Variants in DLGAP2 observed in about 807,000 individuals in gnomAD.
The protein encoded by DLGAP2 is disks large-associated protein 2.
In DLGAP2, 26 loss-of-function variants were observed where a neutral mutation model predicts 100.3. That is an observed-to-expected ratio of 0.26 (90% confidence interval 0.19 to 0.36). The LOEUF is 0.36. Among genes scored for constraint, DLGAP2 ranks in the 10% least tolerant of loss-of-function variants. The pLI is 1.00. For synonymous variants in DLGAP2, 886 were observed against 630.1 expected, an observed-to-expected ratio of 1.41 and a Z score of -6.08; for missense variants, 1,858 against 1,453.2, an observed-to-expected ratio of 1.28 and a Z score of -4.53.
chr8:1,553,079 G>C (rs926846179), intron 5 of DLGAP2, among the ~76,000 whole-genome samples: 1 of 152,116 alleles, frequency 6.6e-6, no homozygotes, highest in Non-Finnish European at 1.5e-5. Context: ...AGGGAGAGAC[G>C]CCGCCTCCCC....
At chr8:754,943 A>G (rs969301601) in intron 1 of DLGAP2, among the ~76,000 whole-genome samples, 2 of 152,234 alleles carry the variant, frequency 1.3e-5, no homozygotes, top group Non-Finnish European at 2.9e-5. Context: ...AATTTGTGAT[A>G]ATCTGGATGA....
intron 3 of DLGAP2, among the ~76,000 whole-genome samples, chr8:1,428,632 A>G (rs1190415666): frequency 2.0e-5 from 3 of 152,240 alleles, no homozygotes; most frequent in East Asian, 3.8e-4. Context: ...ATGCCTATGT[A>G]TACCTAATAA....
At chr8:1,002,688 AG>A (rs1358842207) in intron 2 of DLGAP2, 1 of 152,260 alleles carries the variant, frequency 6.6e-6, no homozygotes, top group Admixed American at 6.5e-5. Context: ...TACTTCTGAA[AG>A]GGACAAGATA....
chr8:1,494,992 T>C (rs1274348747), intron 3 of DLGAP2, among the ~76,000 whole-genome samples: 2 of 152,214 alleles, frequency 1.3e-5, no homozygotes, highest in Non-Finnish European at 2.9e-5. Flanking sequence ...GATATGCCTG[T>C]TGGCAAATGT....
chr8:1,384,612 G>A (rs1796173683), intron 3 of DLGAP2, among the ~76,000 whole-genome samples: 1 of 143,110 alleles, frequency 7.0e-6, no homozygotes, highest in Non-Finnish European at 1.5e-5. Flanking sequence ...TGAGAACTTG[G>A]TGCACAGTTA....
chr8:1,314,040 G>C (rs948699242), intron 3 of DLGAP2, among the ~76,000 whole-genome samples: 1 of 152,104 alleles, frequency 6.6e-6, no homozygotes, highest in Non-Finnish European at 1.5e-5. Flanking sequence ...TTTAGAATTC[G>C]TAGCAACACA....
chr8:1,610,931 T>C (rs1410884435), intron 6 of DLGAP2, among the ~76,000 whole-genome samples: 1 of 93,380 alleles, frequency 1.1e-5, no homozygotes, highest in Non-Finnish European at 2.0e-5. Context: ...CAGGACAAGA[T>C]GGATTCACAG....
intron 6 of DLGAP2, among the ~76,000 whole-genome samples, chr8:1,619,000 C>T (rs1469641522): frequency 1.3e-5 from 2 of 152,054 alleles, no homozygotes; most frequent in African/African-American, 4.8e-5. Context: ...ATCCGTGTGA[C>T]AGAATAGAGA....
intron 8 of DLGAP2, among the ~76,000 whole-genome samples, chr8:1,657,899 G>T (rs1287739258): frequency 6.6e-6 from 1 of 152,116 alleles, no homozygotes; most frequent in Non-Finnish European, 1.5e-5. Context: ...TTTACGACAT[G>T]GACACATGGT....
At chr8:775,226 T>C (rs967723226) in intron 1 of DLGAP2, among the ~76,000 whole-genome samples, 26 of 151,986 alleles carry the variant, frequency 1.7e-4, no homozygotes, top group Non-Finnish European at 2.9e-4. Flanking sequence ...CTGAAGTTGC[T>C]TATCAGCTTA....
chr8:885,779 T>G (rs1355386833), intron 1 of DLGAP2, among the ~76,000 whole-genome samples: 2 of 152,174 alleles, frequency 1.3e-5, no homozygotes, highest in African/African-American at 2.4e-5. Context: ...AGCTCATTAT[T>G]TTGAGATATG....
intron 3 of DLGAP2, among the ~76,000 whole-genome samples, chr8:1,334,438 A>G (rs1014622937): frequency 6.6e-6 from 1 of 152,210 alleles, no homozygotes; most frequent in African/African-American, 2.4e-5. Flanking sequence ...TTCTGTAAAT[A>G]TGTGCTGTGG....
At chr8:1,009,506 G>C (rs2129020285) in intron 2 of DLGAP2, among the ~76,000 whole-genome samples, 1 of 152,304 alleles carries the variant, frequency 6.6e-6, no homozygotes, top group South Asian at 2.1e-4. Flanking sequence ...ATGATGAAGT[G>C]AAATTTCTAA....
chr8:801,136 G>A (rs1007253787), intron 1 of DLGAP2, among the ~76,000 whole-genome samples: 1 of 152,242 alleles, frequency 6.6e-6, no homozygotes. Context: ...GACCGAAGGC[G>A]TTGTGCCTGC....
At chr8:1,111,975 T>C (rs1424690423) in intron 2 of DLGAP2, among the ~76,000 whole-genome samples, 1 of 152,148 alleles carries the variant, frequency 6.6e-6, no homozygotes, top group Non-Finnish European at 1.5e-5. Flanking sequence ...CTTTGAGGAA[T>C]CACCACACAC....
intron 12 of DLGAP2, among the ~76,000 whole-genome samples, chr8:1,682,762 C>T (rs1385933521): frequency 6.6e-6 from 1 of 151,582 alleles, no homozygotes; most frequent in Non-Finnish European, 1.5e-5. Context: ...GTATGAACCA[C>T]CATGCCCAGC....
At position 1,701,770 on chromosome 8, in the gene DLGAP2, G is replaced by T; in HGVS notation, c.*364G>T. On this transcript the variant is annotated 3_prime_UTR_variant, in exon 15 of 15. Coordinates refer to ENST00000637795, the MANE Select transcript of DLGAP2 (RefSeq NM_001346810.2). ...TTATTTCTATTTTTATAAATTGTGT[G>T]ATAATTAGAGGTAAGAATAACAAGT... is the stretch of plus-strand genomic sequence containing the variant. 3.6e-6 allele frequency: 1 copy of T among 275,110 alleles called. No individual in the cohort carries two copies. The highest frequency in any genetic ancestry group is 6.8e-6 in the Non-Finnish European group (1 of 147,834). The allele number at this position is 275,110 out of a possible 1,614,324, so 17.0% of individuals were successfully genotyped here. A position where few individuals can be genotyped will look rare whatever the true frequency, so the allele number is the denominator to read the frequency against.
intron 2 of DLGAP2, among the ~76,000 whole-genome samples, chr8:1,057,433 G>A (rs1168902340): frequency 6.6e-6 from 1 of 152,112 alleles, no homozygotes; most frequent in Non-Finnish European, 1.5e-5. Context: ...TTCACATTAG[G>A]GTTATGCACA....
chr8:1,314,796 C>T (rs988479665), intron 3 of DLGAP2, among the ~76,000 whole-genome samples: 2 of 152,232 alleles, frequency 1.3e-5, no homozygotes, highest in African/African-American at 2.4e-5. Context: ...GGAAGTTTCA[C>T]TTGTTCATTA....
Sources: gnomAD v4.1 joint callset for allele counts (sites outside exome capture counted in the v4.1 genomes callset) on GRCh38, gnomAD v4.1.1 for gene constraint, MANE v1.5 for transcripts, NCBI Gene and HGNC (gene_info 2026-07-23, HGNC 2026-07-21) for gene names.